Variants in OLFM3 observed in about 807,000 individuals in gnomAD.
OLFM3 encodes olfactomedin 3.
A neutral mutation model predicts 48.6 loss-of-function variants in OLFM3; 20 were observed. The observed-to-expected ratio is 0.41, with a 90% CI of 0.29 to 0.60. The LOEUF is 0.60. Ranked by LOEUF, OLFM3 falls within the 20% of genes least tolerant of loss-of-function variation. The pLI, the probability that OLFM3 is intolerant of heterozygous loss-of-function variation, is 0.28. For synonymous variants in OLFM3, 222 were observed against 198.1 expected, an observed-to-expected ratio of 1.12 and a Z score of -1.01; for missense variants, 437 against 544.3, an observed-to-expected ratio of 0.80 and a Z score of 1.96.
chr1:101,936,940 G>A (rs1376010806), intron 1 of OLFM3, among the ~76,000 whole-genome samples: 2 of 152,022 alleles, frequency 1.3e-5, no homozygotes, highest in Non-Finnish European at 2.9e-5. Context: ...GACCCCTTCC[G>A]TACATCATAT....
chr1:101,947,116 T>C (rs1400175141), intron 1 of OLFM3, among the ~76,000 whole-genome samples: 1 of 152,196 alleles, frequency 6.6e-6, no homozygotes, highest in Non-Finnish European at 1.5e-5. Context: ...CCTAAGAGAA[T>C]TTCTATTTCA....
chr1:101,829,719 C>A (rs12066036), intron 3 of OLFM3, among the ~76,000 whole-genome samples: 5,029 of 152,352 alleles, frequency 0.033, 100 homozygotes, highest in Non-Finnish European at 0.045. Flanking sequence ...ACAAGAAAAC[C>A]AGAGGCTATT....
chr1:101,939,834 T>C (rs1659732277), intron 1 of OLFM3, among the ~76,000 whole-genome samples: 1 of 152,202 alleles, frequency 6.6e-6, no homozygotes, highest in Non-Finnish European at 1.5e-5. Context: ...TGAGAGGTTA[T>C]ACTTACATTG....
At chr1:101,938,943 G>A (rs1302381604) in intron 1 of OLFM3, among the ~76,000 whole-genome samples, 1 of 152,200 alleles carries the variant, frequency 6.6e-6, no homozygotes, top group Non-Finnish European at 1.5e-5. Flanking sequence ...CTTGTTGAGA[G>A]ACTGGGACTG....
At chr1:101,893,342 C>A in intron 1 of OLFM3, 1 of 379,102 alleles carries the variant, frequency 2.6e-6, no homozygotes, top group Non-Finnish European at 5.3e-6. Flanking sequence ...AATAGCTCAG[C>A]AAATTCAAGC....
At chr1:101,974,225 G>GT (rs1288854207) in intron 1 of OLFM3, among the ~76,000 whole-genome samples, 2 of 151,682 alleles carry the variant, frequency 1.3e-5, no homozygotes, top group East Asian at 1.9e-4. Context: ...TTAATGCTTT[G>GT]TTTTTTGCCA....
chr1:101,888,952 A>G (rs148361216), intron 1 of OLFM3, among the ~76,000 whole-genome samples: 3 of 152,124 alleles, frequency 2.0e-5, no homozygotes, highest in African/African-American at 4.8e-5. Flanking sequence ...CCACAATGAG[A>G]TATCATCTCA....
intron 1 of OLFM3, among the ~76,000 whole-genome samples, chr1:101,861,318 T>G (rs1046715469): frequency 1.3e-5 from 2 of 151,580 alleles, no homozygotes; most frequent in Admixed American, 1.3e-4. Context: ...CGCCCCGGCC[T>G]CCCAAAGTGC....
At chr1:101,891,433 A>G (rs1657992709) in intron 1 of OLFM3, among the ~76,000 whole-genome samples, 1 of 151,974 alleles carries the variant, frequency 6.6e-6, no homozygotes, top group Non-Finnish European at 1.5e-5. Context: ...TGAATATTAA[A>G]ATAAAAGCAA....
intron 2 of OLFM3, among the ~76,000 whole-genome samples, chr1:101,834,427 A>T (rs1191003032): frequency 6.6e-6 from 1 of 152,230 alleles, no homozygotes; most frequent in Admixed American, 6.5e-5. Flanking sequence ...TGACTAAATC[A>T]ATCTTTTTGG....
chr1:101,875,318 A>G (rs910528667), intron 1 of OLFM3, among the ~76,000 whole-genome samples: 1 of 151,976 alleles, frequency 6.6e-6, no homozygotes, highest in Non-Finnish European at 1.5e-5. Context: ...AATGTACAAC[A>G]TGAATTCTAC....
At chr1:101,972,179 T>C (rs1234432886) in intron 1 of OLFM3, among the ~76,000 whole-genome samples, 2 of 152,222 alleles carry the variant, frequency 1.3e-5, no homozygotes, top group Non-Finnish European at 2.9e-5. Context: ...GTAATGATAA[T>C]GTGGCACCTA....
chr1:101,837,086 G>C, intron 1 of OLFM3, 61 bp from the exon 2 acceptor site: 1 of 1,482,162 alleles, frequency 6.7e-7, no homozygotes, highest in Non-Finnish European at 9.2e-7. Flanking sequence ...AAAGAGTGTT[G>C]GTTTGTAGCA....
intron 2 of OLFM3, among the ~76,000 whole-genome samples, chr1:101,832,747 A>C (rs1293705074): frequency 2.0e-5 from 3 of 152,212 alleles, no homozygotes; most frequent in Non-Finnish European, 4.4e-5. Flanking sequence ...AATTTTAAGG[A>C]GAGTCTTCCT....
intron 1 of OLFM3, among the ~76,000 whole-genome samples, chr1:101,913,502 T>C (rs1481044277): frequency 6.6e-6 from 1 of 152,172 alleles, no homozygotes; most frequent in African/African-American, 2.4e-5. Context: ...CATTATTGGA[T>C]TTGCTGATTG....
chr1:101,855,392 T>C (rs542561912), intron 1 of OLFM3, among the ~76,000 whole-genome samples: 13 of 152,180 alleles, frequency 8.5e-5, no homozygotes, highest in African/African-American at 2.4e-4. Context: ...TGAACCCCCA[T>C]AGTCAGATCC....
At chr1:101,912,581 T>G (rs1448383090) in intron 1 of OLFM3, among the ~76,000 whole-genome samples, 1 of 152,172 alleles carries the variant, frequency 6.6e-6, no homozygotes, top group African/African-American at 2.4e-5. Flanking sequence ...ACAGCAGAAA[T>G]GCTAAGGGGA....
At chr1:101,879,735 A>C (rs774047055) in intron 1 of OLFM3, among the ~76,000 whole-genome samples, 3 of 151,874 alleles carry the variant, frequency 2.0e-5, no homozygotes, top group Non-Finnish European at 2.9e-5. Context: ...GTATTCAGTA[A>C]ATTTTAATTT....
chr1:101,850,970 G>T (rs1055746866), intron 1 of OLFM3, among the ~76,000 whole-genome samples: 1 of 152,032 alleles, frequency 6.6e-6, no homozygotes, highest in Non-Finnish European at 1.5e-5. Flanking sequence ...GTAGAACATC[G>T]AAAAATGAAC....
Sources: gnomAD v4.1 joint callset for allele counts (sites outside exome capture counted in the v4.1 genomes callset) on GRCh38, gnomAD v4.1.1 for gene constraint, MANE v1.5 for transcripts, NCBI Gene and HGNC (gene_info 2026-07-23, HGNC 2026-07-21) for gene names.